MICAL2: variants seen among roughly 807,000 people sequenced by gnomAD.
The protein encoded by MICAL2 is [F-actin]-monooxygenase MICAL2.
Under a neutral mutation model 127.3 loss-of-function variants are expected in MICAL2, and 77 were observed. That is an observed-to-expected ratio of 0.60 (90% CI 0.50 to 0.73). The LOEUF (loss-of-function observed/expected upper bound fraction) is 0.73. Among genes scored for constraint, MICAL2 ranks in the 30% least tolerant of loss-of-function variants. The probability of loss-of-function intolerance (pLI) is 0.00; values close to 1 mark genes in which losing one functional copy is unlikely to be tolerated. For missense variants in MICAL2, 1,351 were observed against 1,434.4 expected (o/e 0.94, Z 0.94); for synonymous variants, 570 against 551.1 (o/e 1.03, Z -0.48).
intron 1 of MICAL2, among the ~76,000 whole-genome samples, chr11:12,277,020 A>T (rs1427264666): frequency 6.6e-6 from 1 of 152,106 alleles, no homozygotes; most frequent in Non-Finnish European, 1.5e-5. Context: ...AAAGCGAGTG[A>T]CTTAAACCAG....
At chr11:12,190,031 T>C (rs1339704305) in intron 3 of MICAL2, among the ~76,000 whole-genome samples, 1 of 152,184 alleles carries the variant, frequency 6.6e-6, no homozygotes, top group Non-Finnish European at 1.5e-5. Context: ...CAAAAACATT[T>C]TAATTACAAA....
At chr11:12,190,858 T>TA (rs1286528834) in intron 3 of MICAL2, among the ~76,000 whole-genome samples, 1 of 152,232 alleles carries the variant, frequency 6.6e-6, no homozygotes, top group Non-Finnish European at 1.5e-5. Context: ...AATCAAGAGA[T>TA]AAAATAGTTC....
chr11:12,265,959 A>G (rs995284156), downstream of MICAL2, among the ~76,000 whole-genome samples: 1 of 152,018 alleles, frequency 6.6e-6, no homozygotes, highest in Non-Finnish European at 1.5e-5. Flanking sequence ...CTACTAAAAA[A>G]AAATTAGCTG....
At chr11:12,211,174 G>T (rs961707850) in intron 6 of MICAL2, among the ~76,000 whole-genome samples, 6 of 152,202 alleles carry the variant, frequency 3.9e-5, no homozygotes, top group African/African-American at 1.4e-4. Flanking sequence ...GAGGTCAGGA[G>T]ATCGAGACCA....
At position 12,113,761 on chromosome 11, in the gene MICAL2, C is replaced by A. The variant is rs934375910; in HGVS notation, c.-149+3035C>A. On this transcript the variant is annotated intron_variant, in intron 1 of 27. Coordinates refer to ENST00000683283, the MANE Select transcript of MICAL2 (RefSeq NM_001282663.2). ...TCGCTCCTGTATGTATAGAAAAAAACACAGCATATATAGGGTTTGGTACTA... is the reference window on the plus strand; with the variant it reads ...TCGCTCCTGTATGTATAGAAAAAAAAACAGCATATATAGGGTTTGGTACTA... 4.6e-5 allele frequency among the ~76,000 whole-genome samples: 7 copies of A among 152,152 alleles called. No individual in the cohort carries two copies. The East Asian group carries it at 1.4e-3, about 29-fold the overall frequency.
intron 4 of MICAL2, 40 bp from the exon 5 acceptor site, chr11:12,207,983 G>A (rs778897582): frequency 6.8e-7 from 1 of 1,469,192 alleles, no homozygotes; most frequent in Non-Finnish European, 9.5e-7. Flanking sequence ...TGGTGTTCAG[G>A]TATTGCTGTG....
At position 12,259,811 on chromosome 11, in the gene MICAL2, A is replaced by G. The variant is rs771882392; in HGVS notation, c.3248A>G (p.Gln1083Arg). ...CTTTCTCAGGAGGAGGCAACATGGC[A>G]AGAGCAGGAAGCCCCTCGGAGAGAC... ...KQQREEEATW[Q>R]EQEAPRRDTP... Residue 1083 changes from glutamine (Q) to arginine (R), a missense_variant, in exon 26 of 28, where the codon CAA (glutamine) becomes CGA (arginine). Physicochemically the swap from Gln to Arg is conservative, Grantham distance 43. Around this residue, in one of 2 missense-constraint regions of MICAL2, gnomAD observed 752 missense variants for 719.4 expected, o/e 1.05. Coordinates refer to ENST00000683283, the MANE Select transcript of MICAL2 (RefSeq NM_001282663.2). 6.4e-7 allele frequency: 1 copy of G among 1,552,780 alleles called. No individual in the cohort carries two copies. Among genetic ancestry groups the G allele is most frequent in the East Asian group, 2.3e-5 (1 of 44,020 alleles).
At chr11:12,236,733 C>T (rs144339654) in intron 16 of MICAL2, among the ~76,000 whole-genome samples, 2 of 152,330 alleles carry the variant, frequency 1.3e-5, no homozygotes, top group African/African-American at 4.8e-5. Flanking sequence ...TTACAGGTTA[C>T]TTTGTCAAAG....
intron 8 of MICAL2, 77 bp downstream of exon 8, chr11:12,216,396 G>C: frequency 8.8e-7 from 1 of 1,138,734 alleles, no homozygotes; most frequent in Non-Finnish European, 1.3e-6. Context: ...GGCAGATGTC[G>C]TCCTGCCAGA....
At chr11:12,244,950 C>T (rs938666260) in intron 21 of MICAL2, among the ~76,000 whole-genome samples, 52 of 152,318 alleles carry the variant, frequency 3.4e-4, no homozygotes, top group African/African-American at 1.1e-3. Flanking sequence ...GTGCAGAGAT[C>T]AGCCTGGAGG....
At chr11:12,257,968 A>G (rs1045520314) in intron 24 of MICAL2, among the ~76,000 whole-genome samples, 1 of 152,172 alleles carries the variant, frequency 6.6e-6, no homozygotes. Context: ...TTCCACAAAG[A>G]AAGACTGAGG....
intron 26 of MICAL2, 64 bp downstream of exon 26, chr11:12,259,961 G>A: frequency 1.3e-6 from 2 of 1,582,668 alleles, no homozygotes; most frequent in Non-Finnish European, 1.7e-6. Flanking sequence ...AGGGACCTGT[G>A]TAACTGGATG....
At chr11:12,181,035 G>C (rs760958650) in intron 3 of MICAL2, among the ~76,000 whole-genome samples, 3 of 145,922 alleles carry the variant, frequency 2.1e-5, no homozygotes, top group Non-Finnish European at 4.5e-5. Flanking sequence ...CCCCACCCCT[G>C]GGGGTTCAAG....
At chr11:12,350,043 A>G in intron 33 of MICAL2, 1 of 797,684 alleles carries the variant, frequency 1.3e-6, no homozygotes, top group South Asian at 1.6e-5. Context: ...CCTTGTGCAT[A>G]CAGAATAGTG....
At chr11:12,122,588 T>C (rs1408467747) in intron 1 of MICAL2, among the ~76,000 whole-genome samples, 3 of 152,124 alleles carry the variant, frequency 2.0e-5, no homozygotes, top group Non-Finnish European at 4.4e-5. Flanking sequence ...TTTGTATTTT[T>C]AGTAGAGACA....
At chr11:12,319,161 CCAGA>C (rs1199965492) in intron 29 of MICAL2, among the ~76,000 whole-genome samples, 1 of 151,926 alleles carries the variant, frequency 6.6e-6, no homozygotes, top group African/African-American at 2.4e-5. Flanking sequence ...TTTTCTATGA[CCAGA>C]CATTCTGACG....
In MICAL2 at chr11:12,222,747, A is replaced by G. The variant is rs1348855210; in HGVS notation, c.1449+4A>G. On this transcript the variant is annotated splice_donor_region_variant and intron_variant, in intron 11 of 27. Coordinates refer to ENST00000683283, the MANE Select transcript of MICAL2 (RefSeq NM_001282663.2). ...ACACTGTGTCAGGCCCCATCAGGCA[A>G]GTCCATTGCTGGGGCTCTGTCTGAA... 4 of 1,614,158 alleles carry G rather than the reference A, an allele frequency of 2.5e-6. No individual in the cohort carries two copies. Among genetic ancestry groups the G allele is most frequent in the Admixed American group, 3.3e-5 (2 of 60,020 alleles).
intron 9 of MICAL2, 42 bp from the exon 10 acceptor site, chr11:12,221,602 G>A: frequency 7.2e-7 from 1 of 1,381,922 alleles, no homozygotes; most frequent in East Asian, 2.3e-5. Flanking sequence ...TAGATCGGGA[G>A]TCATCAGAAT....
chr11:12,146,923 C>T (rs189982624), intron 2 of MICAL2, among the ~76,000 whole-genome samples: 22 of 152,218 alleles, frequency 1.4e-4, no homozygotes, highest in East Asian at 3.9e-4. Context: ...ACATGGATGA[C>T]GCTGGAAACC....
Sources: allele counts gnomAD v4.1 joint callset (sites outside exome capture counted in the v4.1 genomes callset), GRCh38; gene constraint gnomAD v4.1.1; regional missense constraint gnomAD v4.1.1; transcripts MANE v1.5; gene names NCBI Gene and HGNC (gene_info 2026-07-23, HGNC 2026-07-21).